Variants in TF observed in about 807,000 individuals in gnomAD.
TF encodes the protein transferrin, also known as serotransferrin.
TF carries 55 observed loss-of-function variants against 82.4 expected under a neutral mutation model. The observed-to-expected ratio is 0.67, with a 90% confidence interval of 0.54 to 0.84. The LOEUF is 0.84. TF is among the 40% of genes least tolerant of loss of function. TF has a pLI of 0.00. For missense variants in TF, 737 were observed against 868.4 expected (o/e 0.85, Z 1.90); for synonymous variants, 332 against 332.6 (o/e 1.00, Z 0.02).
chr3:133,716,362 C>A, the TF span, among the ~76,000 whole-genome samples: 1 of 152,224 alleles, frequency 6.6e-6, no homozygotes, highest in Admixed American at 6.5e-5. Context: ...TACACTCCCA[C>A]CCAAGTGCTG....
At chr3:133,755,323 C>G (rs750395183) in intron 4 of TF, 40 bp from the exon 5 acceptor site, 1 of 1,614,008 alleles carries the variant, frequency 6.2e-7, no homozygotes, top group South Asian at 1.1e-5. Flanking sequence ...TGTGGCCAGC[C>G]TCACTCATGC....
rs113679330 is a variant in TF at position 133,764,226 on chromosome 3, C to T, written c.1248C>T (p.Tyr416=). 1.4e-4 allele frequency: 224 copies of T among 1,613,990 alleles called. No homozygotes were observed. In the African/African-American group the frequency reaches 2.6e-3, roughly 19 times the overall value. ...TGAGCTTGGATGGAGGGTTTGTCTA[C>T]ATAGCGGGCAAGTGTGGTCTGGTGC... is the stretch of plus-strand genomic sequence containing the variant. ...DAMSLDGGFV[Y]IAGKCGLVPV... is the part of the protein sequence containing the mutation. Residue 416 remains tyrosine (Y), a synonymous_variant, in exon 10 of 17, where the codon TAC becomes TAT. Coordinates refer to ENST00000402696, the MANE Select transcript of TF (RefSeq NM_001063.4).
At chr3:133,760,698 C>G (rs1933971513) in intron 9 of TF, 1 of 154,762 alleles carries the variant, frequency 6.5e-6, no homozygotes, top group South Asian at 2.0e-4. Context: ...ATAATTTGCT[C>G]TCCTATGAAG....
Position 133,759,409 on chromosome 3 carries a change from C to T in TF, c.1203+80C>T, listed in dbSNP as rs1393358870. The T allele has an allele frequency of 5.7e-6, 9 of 1,575,962 alleles. No individual in the cohort carries two copies. The East Asian group carries it at 1.8e-4, about 31-fold the overall frequency. The stretch of plus-strand genomic sequence containing the variant: ...CCCCAAGACTGAGCTAGGGAGTGTT[C>T]CTGGGAATGATGCAAAAACCTGGCT... On this transcript the variant is annotated intron_variant, in intron 9 of 16. Coordinates refer to ENST00000402696, the MANE Select transcript of TF (RefSeq NM_001063.4).
At chr3:133,757,748 A>G (rs769947397) in intron 7 of TF, 21 bp from the exon 8 acceptor site, 1 of 1,608,338 alleles carries the variant, frequency 6.2e-7, no homozygotes, top group Non-Finnish European at 8.5e-7. Context: ...GCCATCCACT[A>G]TTCTGTTTTT....
the TF span, among the ~76,000 whole-genome samples, chr3:133,736,974 A>G: frequency 6.6e-6 from 1 of 152,190 alleles, no homozygotes; most frequent in Non-Finnish European, 1.5e-5. Context: ...CGGACCTAAT[A>G]GACATCTACA....
Position 133,788,530 on chromosome 3 carries a change from A to T in TF, c.*9910A>T, listed in dbSNP as rs952855129. 1.1e-4 allele frequency: 16 copies of T among 152,216 alleles called. No homozygotes were observed. The highest frequency in any genetic ancestry group is 3.6e-4 in the African/African-American group (15 of 41,448). 9.4% of individuals were successfully genotyped at this position (152,216 alleles called of 1,614,324 possible). Reference sequence around the variant, plus strand: ...CCAATTCTTGGTTCAATATGCCCAGAACCTGGACACCCTCCACTGGTAACA... The same window carrying T: ...CCAATTCTTGGTTCAATATGCCCAGTACCTGGACACCCTCCACTGGTAACA... On this transcript the variant is annotated 3_prime_UTR_variant, in exon 17 of 17. Coordinates refer to ENST00000402696, the MANE Select transcript of TF (RefSeq NM_001063.4).
chr3:133,688,006 G>C, the TF span, among the ~76,000 whole-genome samples: 30 of 152,120 alleles, frequency 2.0e-4, no homozygotes, highest in African/African-American at 7.2e-4. Flanking sequence ...GGAATCTTTT[G>C]GCTTTTTTAG....
chr3:133,733,871 A>C, the TF span, among the ~76,000 whole-genome samples: 560 of 95,032 alleles, frequency 5.9e-3, 4 homozygotes, highest in East Asian at 0.089. Flanking sequence ...AAAAAACAAA[A>C]AAAAAAAAAA....
chr3:133,740,110 A>G, the TF span, among the ~76,000 whole-genome samples: 8 of 152,204 alleles, frequency 5.3e-5, no homozygotes, highest in African/African-American at 1.9e-4. Context: ...TAGACTGGAT[A>G]AATAACATGT....
chr3:133,704,133 A>G, the TF span: 1 of 167,890 alleles, frequency 6.0e-6, no homozygotes, highest in African/African-American at 2.4e-5. Flanking sequence ...AATCACAAGG[A>G]TGTTTACATG....
the TF span, among the ~76,000 whole-genome samples, chr3:133,708,459 T>C: frequency 6.6e-6 from 1 of 152,146 alleles, no homozygotes; most frequent in African/African-American, 2.4e-5. Context: ...GCTCAGTTCC[T>C]AATAATGGTA....
the TF span, among the ~76,000 whole-genome samples, chr3:133,686,439 A>C: frequency 2.0e-5 from 3 of 152,240 alleles, no homozygotes; most frequent in Non-Finnish European, 4.4e-5. Context: ...AAATTTTTGC[A>C]ATCTACCCAT....
intron 2 of TF, among the ~76,000 whole-genome samples, chr3:133,753,010 A>G (rs8177211): frequency 6.6e-6 from 1 of 152,222 alleles, no homozygotes; most frequent in Non-Finnish European, 1.5e-5. Flanking sequence ...AGCATTGAGT[A>G]CTGAGTCAGA....
chr3:133,767,346 A>G (rs1934152678), intron 12 of TF, among the ~76,000 whole-genome samples: 1 of 152,144 alleles, frequency 6.6e-6, no homozygotes. Context: ...GCCACCTCCA[A>G]ATTTGGGCAA....
intron 11 of TF, among the ~76,000 whole-genome samples, chr3:133,765,175 C>T (rs1163222368): frequency 2.0e-5 from 3 of 152,192 alleles, no homozygotes; most frequent in African/African-American, 7.2e-5. Context: ...AGGGAGTTTA[C>T]AGACAGATCG....
Position 133,784,686 on chromosome 3 carries a change from T to G in TF, c.*6066T>G, listed in dbSNP as rs896592333. ...TCTAATAATGCCTGATGATCTGAGG[T>G]GGAACAGTTTCATCCTGAAACCATG... On this transcript the variant is annotated 3_prime_UTR_variant, in exon 17 of 17. Coordinates refer to ENST00000402696, the MANE Select transcript of TF (RefSeq NM_001063.4). 1 of 151,912 alleles carries G rather than the reference T, an allele frequency of 6.6e-6. No homozygotes were observed. Among genetic ancestry groups the G allele is most frequent in the Non-Finnish European group, 1.5e-5 (1 of 68,002 alleles). The allele number at this position is 151,912 out of a possible 1,614,324, so 9.4% of individuals were successfully genotyped here.
At chr3:133,754,007 G>C (rs558664570) in intron 3 of TF, 1 of 510,536 alleles carries the variant, frequency 2.0e-6, no homozygotes, top group African/African-American at 1.9e-5. Flanking sequence ...GATATGTCTA[G>C]GGTCCCTGGA....
chr3:133,673,631 A>G, the TF span, among the ~76,000 whole-genome samples: 1 of 152,234 alleles, frequency 6.6e-6, no homozygotes, highest in Non-Finnish European at 1.5e-5. Context: ...TTCCATCTGC[A>G]TAAAGCTCAA....
Sources: gnomAD v4.1 joint callset for allele counts (sites outside exome capture counted in the v4.1 genomes callset) on GRCh38, gnomAD v4.1.1 for gene constraint, MANE v1.5 for transcripts, NCBI Gene and HGNC (gene_info 2026-07-23, HGNC 2026-07-21) for gene names.